The following RAP1GAP2 variants were observed in gnomAD, a reference collection of about 807,000 sequenced individuals.
RAP1GAP2 encodes rap1 GTPase-activating protein 2.
A neutral mutation model predicts 95.0 loss-of-function variants in RAP1GAP2; 27 were observed. That is an observed-to-expected ratio of 0.28 (90% confidence interval 0.21 to 0.39). The LOEUF (loss-of-function observed/expected upper bound fraction) is 0.39. RAP1GAP2 is among the 10% of genes least tolerant of loss of function. RAP1GAP2 has a pLI of 1.00. For synonymous variants in RAP1GAP2, 373 were observed against 380.9 expected, an observed-to-expected ratio of 0.98 and a Z score of 0.24; for missense variants, 771 against 970.0, an observed-to-expected ratio of 0.79 and a Z score of 2.72.
intron 19 of RAP1GAP2, among the ~76,000 whole-genome samples, chr17:3,022,969 C>T (rs2047004611): frequency 6.6e-6 from 1 of 152,166 alleles, no homozygotes; most frequent in East Asian, 1.9e-4. Flanking sequence ...TTACCAGCAC[C>T]ACTTACTGAA....
intron 2 of RAP1GAP2, among the ~76,000 whole-genome samples, chr17:2,826,386 A>G (rs187606242): frequency 6.6e-6 from 1 of 152,006 alleles, no homozygotes; most frequent in East Asian, 1.9e-4. Flanking sequence ...GCGGTGAGCC[A>G]GGCTCTCGAA....
At chr17:2,786,291 A>T (rs557404706) in intron 1 of RAP1GAP2, among the ~76,000 whole-genome samples, 1 of 152,248 alleles carries the variant, frequency 6.6e-6, no homozygotes, top group Non-Finnish European at 1.5e-5. Flanking sequence ...CTGGGGCTGG[A>T]ATCCGTGTGT....
chr17:2,927,374 C>A (rs370454344), intron 3 of RAP1GAP2, among the ~76,000 whole-genome samples: 2,516 of 151,742 alleles, frequency 0.017, 29 homozygotes, highest in Middle Eastern at 0.044. Context: ...AGGATGGTCT[C>A]GATCTCCTGA....
rs1309841833 is a variant in RAP1GAP2, at chr17:3,029,517, G to A, written c.2108-1405G>A. On this transcript the variant is annotated intron_variant, in intron 22 of 24. Coordinates refer to ENST00000254695, the MANE Select transcript of RAP1GAP2 (RefSeq NM_015085.5). This position sits in a 1 kb window ranked among gnomAD's most constrained non-coding sequence, Gnocchi z 4.4. The stretch of plus-strand genomic sequence containing the variant: ...GAGAGGCAGGGTGGAGTGGGGAGAG[G>A]TGGCCTGACGTCCTGACGTACAGTC... Among the ~76,000 whole-genome samples, 1 of 152,132 alleles carries A rather than the reference G, an allele frequency of 6.6e-6. No homozygotes were observed. Among genetic ancestry groups the A allele is most frequent in the East Asian group, 1.9e-4 (1 of 5,192 alleles).
At chr17:2,908,747 C>T (rs540545748) in intron 3 of RAP1GAP2, among the ~76,000 whole-genome samples, 41 of 152,064 alleles carry the variant, frequency 2.7e-4, no homozygotes, top group Admixed American at 2.4e-3. Flanking sequence ...CAGGGTCGTG[C>T]GCTGTCACTC....
chr17:2,836,039 G>T (rs933044748), intron 2 of RAP1GAP2, among the ~76,000 whole-genome samples: 6 of 152,144 alleles, frequency 3.9e-5, no homozygotes, highest in Non-Finnish European at 5.9e-5. Context: ...CACTGGCGGG[G>T]TGTGTTGGTG....
At chr17:2,815,296 C>T (rs1169237326) in intron 2 of RAP1GAP2, among the ~76,000 whole-genome samples, 8 of 152,072 alleles carry the variant, frequency 5.3e-5, no homozygotes, top group Admixed American at 3.3e-4. Flanking sequence ...GGGCAGGCTG[C>T]GCAACCTCTC....
At chr17:2,801,899 A>G (rs1462482950) in intron 2 of RAP1GAP2, among the ~76,000 whole-genome samples, 1 of 151,986 alleles carries the variant, frequency 6.6e-6, no homozygotes, top group African/African-American at 2.4e-5. Flanking sequence ...TTTTGTCTGC[A>G]TCCTGATCTC....
In RAP1GAP2 at chr17:2,957,804, T is replaced by C. The variant is rs748712020; in HGVS notation, c.201+10T>C. On this transcript the variant is annotated intron_variant, in intron 4 of 24. Transcript: ENST00000254695. ...GCTGGAGAAAATGCAGGTGAGTACGTACCCCCACCGTGGCGGGGAAGAAGC... is the reference window on the plus strand; with the variant it reads ...GCTGGAGAAAATGCAGGTGAGTACGCACCCCCACCGTGGCGGGGAAGAAGC... The C allele has an allele frequency of 6.3e-7, 1 of 1,587,864 alleles. No individual in the cohort carries two copies. The highest frequency in any genetic ancestry group is 2.4e-5 in the East Asian group (1 of 42,476).
At chr17:2,978,585 A>G (rs894373201) in intron 8 of RAP1GAP2, among the ~76,000 whole-genome samples, 6 of 152,202 alleles carry the variant, frequency 3.9e-5, no homozygotes, top group African/African-American at 1.2e-4. Context: ...GGTTGACTGC[A>G]GGTAGCTGAA....
rs762151763 is a variant in RAP1GAP2 at position 2,796,563 on chromosome 17, C to T, written c.36C>T (p.Gly12=). Residue 12 remains glycine, a synonymous_variant, in exon 1 of 25, where the codon GGC becomes GGT. Coordinates refer to ENST00000254695, the MANE Select transcript of RAP1GAP2 (RefSeq NM_015085.5). The surrounding 1 kb of genome is among the most constrained non-coding windows in gnomAD (Gnocchi z 4.7). ...GGAAGCGCAGTGTCTCCTTTGGGGG[C>T]TTCGGATGGTGGGTGACAGGTGGGA... ...FGRKRSVSFG[G]FGWIDKTMLA... is the part of the protein sequence containing the mutation. The T allele has an allele frequency of 3.2e-6, 5 of 1,563,154 alleles. No individual in the cohort carries two copies. The South Asian group carries it at 4.7e-5, about 15-fold the overall frequency.
intron 2 of RAP1GAP2, among the ~76,000 whole-genome samples, chr17:2,840,600 T>C (rs1597412321): frequency 6.6e-6 from 1 of 151,922 alleles, no homozygotes; most frequent in South Asian, 2.1e-4. Flanking sequence ...TCTCCTGCCT[T>C]AGCCTCCTGA....
chr17:2,763,308 A>G (rs1055100426), intron 1 of RAP1GAP2, among the ~76,000 whole-genome samples: 2 of 152,176 alleles, frequency 1.3e-5, no homozygotes, highest in Admixed American at 6.6e-5. Context: ...TGGGGATTTC[A>G]GAGATGGATC....
chr17:2,972,534 A>G (rs1194274002), intron 8 of RAP1GAP2, among the ~76,000 whole-genome samples: 1 of 136,780 alleles, frequency 7.3e-6, no homozygotes, highest in Non-Finnish European at 1.5e-5. Flanking sequence ...CACACCTGTA[A>G]TTGCAGTGAG....
rs947194684 is a variant in RAP1GAP2, at chr17:2,827,016, AGGAGAGAAAGAAAGAAAGAG to A, written c.80+26467_80+26486del. 6.6e-6 allele frequency among the ~76,000 whole-genome samples: 1 copy of A among 151,908 alleles called. No individual in the cohort carries two copies. Among genetic ancestry groups the A allele is most frequent in the Non-Finnish European group, 1.5e-5 (1 of 68,010 alleles). ...CGAGACTCCGTTTCGAGAGAGAGAG[AGGAGAGAAAGAAAGAAAGAG>A]AGAGAGAAAGAAAGAAAGAGAAAGT... On this transcript the variant is annotated intron_variant, in intron 2 of 24. Transcript: ENST00000254695. The surrounding 1 kb of genome is among the most constrained non-coding windows in gnomAD (Gnocchi z 4.1).
At position 2,943,048 on chromosome 17, in the gene RAP1GAP2, T is replaced by C. The variant is rs139721434; in HGVS notation, c.166-14711T>C. Among the ~76,000 whole-genome samples, 148 of 152,164 alleles carry C rather than the reference T, an allele frequency of 9.7e-4. 1 individual carries two copies. The highest frequency in any genetic ancestry group is 2.3e-3 in the East Asian group (12 of 5,162). Reference sequence around the variant, plus strand: ...CCACCCAAAGTGCTGGGATTACAGGTGTGAACCACCACACCTGACCTAGTT... The same window carrying C: ...CCACCCAAAGTGCTGGGATTACAGGCGTGAACCACCACACCTGACCTAGTT... On this transcript the variant is annotated intron_variant, in intron 3 of 24. Coordinates refer to ENST00000254695, the MANE Select transcript of RAP1GAP2 (RefSeq NM_015085.5).
chr17:2,869,932 T>C (rs2072774088), intron 2 of RAP1GAP2, among the ~76,000 whole-genome samples: 1 of 152,118 alleles, frequency 6.6e-6, no homozygotes, highest in African/African-American at 2.4e-5. Context: ...AGTGGAGGGC[T>C]TGAGTTTTGT....
At chr17:2,786,663 G>A (rs1415856317) in intron 1 of RAP1GAP2, among the ~76,000 whole-genome samples, 2 of 144,878 alleles carry the variant, frequency 1.4e-5, no homozygotes, top group Non-Finnish European at 3.0e-5. Flanking sequence ...TTAATGTTTT[G>A]CGATGGAGTC....
chr17:2,892,383 G>C (rs753549824), intron 2 of RAP1GAP2, among the ~76,000 whole-genome samples: 8 of 152,122 alleles, frequency 5.3e-5, no homozygotes, highest in Admixed American at 1.3e-4. Context: ...CTGTGGGTGA[G>C]GAATTCAGCT....
Sources: gnomAD v4.1 joint callset for allele counts (sites outside exome capture counted in the v4.1 genomes callset) on GRCh38, gnomAD v4.1.1 for gene constraint, Gnocchi (gnomAD v3.1) non-coding constraint, MANE v1.5 for transcripts, NCBI Gene and HGNC (gene_info 2026-07-23, HGNC 2026-07-21) for gene names.